Variants in EML6 observed in about 807,000 individuals in gnomAD.
EML6 encodes the protein EMAP like 6, also known as echinoderm microtubule-associated protein-like 6.
In EML6, 154 loss-of-function variants were observed where a neutral mutation model predicts 240.1. The observed-to-expected ratio is 0.64, with a 90% CI of 0.56 to 0.73. The LOEUF (loss-of-function observed/expected upper bound fraction) is 0.73. EML6 is among the 30% of genes least tolerant of loss of function. EML6 has a pLI of 0.00. For synonymous variants in EML6, 1,148 were observed against 899.0 expected (o/e 1.28, Z -4.95); for missense variants, 2,964 against 2,474.6 (o/e 1.20, Z -4.20).
chr2:54,935,105 G>C (rs1369954722), intron 28 of EML6, among the ~76,000 whole-genome samples: 1 of 152,146 alleles, frequency 6.6e-6, no homozygotes, highest in Non-Finnish European at 1.5e-5. Flanking sequence ...TAATGGTTTG[G>C]TATTGGCATT....
intron 7 of EML6, among the ~76,000 whole-genome samples, chr2:54,832,029 C>G (rs1298249595): frequency 6.6e-6 from 1 of 152,136 alleles, no homozygotes; most frequent in Non-Finnish European, 1.5e-5. Flanking sequence ...CCTTGGAGCA[C>G]CCACCTAAAA....
At chr2:54,873,883 A>G (rs902601321) in intron 16 of EML6, among the ~76,000 whole-genome samples, 1 of 147,634 alleles carries the variant, frequency 6.8e-6, no homozygotes, top group African/African-American at 2.5e-5. Flanking sequence ...AATGACAAGT[A>G]TGAAGATTGT....
chr2:54,877,265 T>C (rs1375202008), intron 16 of EML6, among the ~76,000 whole-genome samples: 1 of 152,164 alleles, frequency 6.6e-6, no homozygotes, highest in Non-Finnish European at 1.5e-5. Flanking sequence ...ATTACAGATG[T>C]GGGCCACTGC....
At chr2:54,941,645 C>A (rs1198946605) in intron 28 of EML6, among the ~76,000 whole-genome samples, 1 of 152,240 alleles carries the variant, frequency 6.6e-6, no homozygotes, top group African/African-American at 2.4e-5. Flanking sequence ...ACATTTCCAT[C>A]CCGTTTCCAA....
chr2:54,906,617 G>A (rs1249940676), intron 24 of EML6, among the ~76,000 whole-genome samples: 4 of 152,118 alleles, frequency 2.6e-5, no homozygotes, highest in Non-Finnish European at 5.9e-5. Context: ...CAGGTGAGGG[G>A]GTCAGACCAA....
chr2:54,786,548 C>G (rs1463789433), intron 2 of EML6, among the ~76,000 whole-genome samples: 1 of 152,164 alleles, frequency 6.6e-6, no homozygotes, highest in East Asian at 1.9e-4. Flanking sequence ...AAGGAAGAAT[C>G]TCCTGTACCC....
At chr2:54,779,866 A>G (rs1303901992) in intron 2 of EML6, among the ~76,000 whole-genome samples, 5 of 45,464 alleles carry the variant, frequency 1.1e-4, no homozygotes, top group African/African-American at 6.2e-4. Context: ...AAAAAAAAAG[A>G]AAAAAAAAAA....
At chr2:54,738,020 T>C (rs1270380370) in intron 2 of EML6, among the ~76,000 whole-genome samples, 1 of 152,154 alleles carries the variant, frequency 6.6e-6, no homozygotes. Context: ...ATTACTCACT[T>C]CCCTTAGGTG....
At chr2:54,850,246 T>G in intron 10 of EML6, 28 bp downstream of exon 10, 1 of 1,540,424 alleles carries the variant, frequency 6.5e-7, no homozygotes, top group South Asian at 1.2e-5. Context: ...CTTGGATGTT[T>G]CTGGAAAGCA....
At chr2:54,922,391 A>T (rs1674304264) in intron 26 of EML6, among the ~76,000 whole-genome samples, 1 of 152,186 alleles carries the variant, frequency 6.6e-6, no homozygotes, top group Non-Finnish European at 1.5e-5. Flanking sequence ...AAAAAGAACA[A>T]GTGTTGGTGA....
chr2:54,801,950 C>G (rs959278045), intron 2 of EML6, among the ~76,000 whole-genome samples: 1 of 152,128 alleles, frequency 6.6e-6, no homozygotes, highest in East Asian at 1.9e-4. Context: ...CTGGAGAGTT[C>G]GTGACAGGAA....
At chr2:54,930,182 C>T (rs772372058) in intron 28 of EML6, among the ~76,000 whole-genome samples, 1 of 152,114 alleles carries the variant, frequency 6.6e-6, no homozygotes, top group East Asian at 1.9e-4. Context: ...AAGGGTGTTT[C>T]TGGCTGATTT....
intron 24 of EML6, 151 bp from the exon 25 acceptor site, chr2:54,910,803 G>T (rs539149722): frequency 5.8e-5 from 31 of 535,416 alleles, no homozygotes; most frequent in Middle Eastern, 4.9e-4. Context: ...GTAATTGGCT[G>T]TACATGCCCT....
chr2:54,816,759 G>T, intron 3 of EML6, 28 bp from the exon 4 acceptor site: 1 of 1,460,108 alleles, frequency 6.8e-7, no homozygotes, highest in Non-Finnish European at 9.4e-7. Flanking sequence ...ATCACTTTTA[G>T]GTACTAAATT....
chr2:54,801,814 T>A (rs570953704), intron 2 of EML6, among the ~76,000 whole-genome samples: 1 of 152,358 alleles, frequency 6.6e-6, no homozygotes, highest in East Asian at 1.9e-4. Flanking sequence ...AGGCCCTATG[T>A]ATTAAAACGT....
intron 10 of EML6, among the ~76,000 whole-genome samples, chr2:54,852,485 C>G (rs193056932): frequency 6.6e-6 from 1 of 152,248 alleles, no homozygotes; most frequent in Admixed American, 6.5e-5. Flanking sequence ...TCATCACTGT[C>G]TTATTATTGG....
intron 4 of EML6, among the ~76,000 whole-genome samples, chr2:54,819,574 G>A (rs1359113850): frequency 2.0e-5 from 3 of 152,052 alleles, no homozygotes; most frequent in African/African-American, 7.2e-5. Context: ...TCACAAGATT[G>A]AGACCAGCCT....
At chr2:54,839,038 C>T (rs192833315) in intron 7 of EML6, among the ~76,000 whole-genome samples, 49 of 152,350 alleles carry the variant, frequency 3.2e-4, no homozygotes, top group Non-Finnish European at 6.0e-4. Flanking sequence ...AAGACAGCTT[C>T]GTTGCCTTCT....
intron 12 of EML6, among the ~76,000 whole-genome samples, chr2:54,860,868 A>C (rs138891368): frequency 6.6e-6 from 1 of 152,100 alleles, no homozygotes; most frequent in Admixed American, 6.5e-5. Flanking sequence ...TTTTACAGCT[A>C]CCTCCCAGAG....
Sources: allele counts gnomAD v4.1 joint callset (sites outside exome capture counted in the v4.1 genomes callset), GRCh38; gene constraint gnomAD v4.1.1; transcripts MANE v1.5; gene names NCBI Gene and HGNC (gene_info 2026-07-23, HGNC 2026-07-21).